Variants in EPM2A observed in about 807,000 individuals in gnomAD.
EPM2A encodes the protein EPM2A glucan phosphatase, laforin.
A neutral mutation model predicts 26.5 loss-of-function variants in EPM2A; 21 were observed. That is an observed-to-expected ratio of 0.79 (90% CI 0.56 to 1.14). The LOEUF is 1.14. Ranked by LOEUF, EPM2A falls within the 50% of genes most tolerant of loss-of-function variation. The pLI is 0.00. For missense variants in EPM2A, 458 were observed against 440.8 expected (o/e 1.04, Z -0.35); for synonymous variants, 217 against 177.6 (o/e 1.22, Z -1.76).
intron 1 of EPM2A, among the ~76,000 whole-genome samples, chr6:145,725,628 A>G (rs1370424227): frequency 1.3e-5 from 2 of 152,094 alleles, no homozygotes; most frequent in African/African-American, 2.4e-5. Flanking sequence ...ACATAGATAG[A>G]TATTAAATAT....
chr6:145,632,857 T>A lies in EPM2A; in HGVS notation c.718+2388A>T, dbSNP rs117364696. ...CAGAAGTGGTTATTAACCCTTAGAT[T>A]ACACCCCCAGGTTAGGCCAAGCCAA... On this transcript the variant is annotated intron_variant, in intron 3 of 3. Transcript: ENST00000367519. Among the ~76,000 whole-genome samples the A allele has an allele frequency of 3.4e-3, 515 of 152,320 alleles. 4 individuals carry two copies. Among genetic ancestry groups the A allele is most frequent in the Admixed American group, 5.9e-3 (90 of 15,298 alleles).
chr6:145,453,540 G>C (rs1779224641), intron 4 of EPM2A, among the ~76,000 whole-genome samples: 1 of 152,074 alleles, frequency 6.6e-6, no homozygotes, highest in Admixed American at 6.6e-5. Flanking sequence ...CCCTCTTGCT[G>C]TAACTTGACC....
chr6:145,497,501 G>A (rs77169943), downstream of EPM2A, among the ~76,000 whole-genome samples: 808 of 152,272 alleles, frequency 5.3e-3, 27 homozygotes, highest in East Asian at 0.091. Context: ...AGGAGGTCTC[G>A]CACAGTCAGG....
rs1384715562 is a variant in EPM2A, at chr6:145,672,372, GA to G, written c.476+13749del. Among the ~76,000 whole-genome samples the G allele has an allele frequency of 6.6e-5, 10 of 152,098 alleles. No individual in the cohort carries two copies. In the East Asian group the frequency reaches 9.7e-4, roughly 15 times the overall value. On this transcript the variant is annotated intron_variant, in intron 2 of 3. Transcript: ENST00000367519. ...GGTAACAATAAAATTATAGAAGTTG[GA>G]AAGCAATTGGTTAATTGTTGAAAAA...
chr6:145,710,184 T>C (rs1775232446), intron 1 of EPM2A, among the ~76,000 whole-genome samples: 1 of 152,000 alleles, frequency 6.6e-6, no homozygotes, highest in Non-Finnish European at 1.5e-5. Flanking sequence ...ACAGGCAACC[T>C]ACAGAATGGG....
rs543028247 is a variant in EPM2A, at chr6:145,456,904, C to T, written c.555+45618G>A. ...ATGTATATATTTTAGATATTTCTAT[C>T]TTGAGCCACCTTACAGATGTTATAA... On this transcript the variant is annotated intron_variant, in intron 4 of 4. Coordinates refer to the EPM2A transcript ENST00000638717. 3.3e-5 allele frequency among the ~76,000 whole-genome samples: 5 copies of T among 152,184 alleles called. No individual in the cohort carries two copies. In the East Asian group the frequency reaches 7.7e-4, roughly 24 times the overall value.
intron 2 of EPM2A, among the ~76,000 whole-genome samples, chr6:145,517,503 T>C (rs1434441959): frequency 6.6e-6 from 1 of 152,174 alleles, no homozygotes; most frequent in African/African-American, 2.4e-5. Flanking sequence ...GTTGCTCAGA[T>C]GTGACTTTTC....
intron 2 of EPM2A, among the ~76,000 whole-genome samples, chr6:145,615,398 T>G (rs912448759): frequency 7.2e-5 from 11 of 152,152 alleles, no homozygotes; most frequent in Non-Finnish European, 1.5e-4. Context: ...GTAAGTCCAT[T>G]AAAACCCTTT....
Position 145,626,023 on chromosome 6 carries a change from C to T in EPM2A, c.*1393G>A. The T allele has an allele frequency of 8.9e-7, 1 of 1,128,190 alleles. No individual in the cohort carries two copies. Among genetic ancestry groups the T allele is most frequent in the Non-Finnish European group, 1.1e-6 (1 of 878,168 alleles). The allele number at this position is 1,128,190 out of a possible 1,614,324, so 69.9% of individuals were successfully genotyped here. A position where few individuals can be genotyped will look rare whatever the true frequency, so the allele number is the denominator to read the frequency against. On this transcript the variant is annotated 3_prime_UTR_variant, in exon 4 of 4. Coordinates refer to ENST00000367519, the MANE Select transcript of EPM2A (RefSeq NM_005670.4). ...GTTAACCCTTCTGACCTTAGTTTCC[C>T]CATCTTTATCATGGAGATAATGAGA...
intron 2 of EPM2A, among the ~76,000 whole-genome samples, chr6:145,600,590 A>G (rs749133361): frequency 6.6e-6 from 1 of 152,222 alleles, no homozygotes; most frequent in Non-Finnish European, 1.5e-5. Context: ...ATTGCTTCTC[A>G]GTTCCAATCA....
chr6:145,418,445 G>C (rs1778737610), intron 4 of EPM2A, among the ~76,000 whole-genome samples: 3 of 152,186 alleles, frequency 2.0e-5, no homozygotes, highest in South Asian at 4.1e-4. Flanking sequence ...TGCTGGAAAA[G>C]AGAATCTCTG....
At chr6:145,423,127 G>T (rs1304901371) in intron 4 of EPM2A, among the ~76,000 whole-genome samples, 2 of 151,394 alleles carry the variant, frequency 1.3e-5, no homozygotes, top group Non-Finnish European at 2.9e-5. Context: ...TTTCTTATTT[G>T]TTCTCTTTAA....
chr6:145,565,899 G>A (rs902935512), intron 2 of EPM2A, among the ~76,000 whole-genome samples: 1 of 152,136 alleles, frequency 6.6e-6, no homozygotes, highest in Non-Finnish European at 1.5e-5. Flanking sequence ...TATGAGCCCC[G>A]TAAAGCACTG....
chr6:145,657,970 T>C (rs1421185106), intron 2 of EPM2A, among the ~76,000 whole-genome samples: 1 of 152,216 alleles, frequency 6.6e-6, no homozygotes, highest in African/African-American at 2.4e-5. Context: ...TAAGACTGTT[T>C]GCTTGCTCAA....
rs1200399183 is a variant in EPM2A, at chr6:145,735,295, G to T, written c.204C>A (p.Ala68=). ...CCGCCCCGTCCTGCGCCGCCTCCTC[G>T]GCCGCCAGCTCCACCTCCCCGAGCC... is the stretch of plus-strand genomic sequence containing the variant. ...GLWLGEVELA[A]EEAAQDGAEP... Residue 68 remains alanine, a synonymous_variant, in exon 1 of 4, where the codon GCC becomes GCA. Transcript: ENST00000367519. 1.4e-6 allele frequency: 2 copies of T among 1,476,022 alleles called. No homozygotes were observed. The highest frequency in any genetic ancestry group is 2.9e-5 in the African/African-American group (2 of 68,070). 91.4% of individuals were successfully genotyped at this position (1,476,022 alleles called of 1,614,324 possible). A position where few individuals can be genotyped will look rare whatever the true frequency, so the allele number is the denominator to read the frequency against.
At chr6:145,391,824 T>C (rs1778340439) in intron 4 of EPM2A, among the ~76,000 whole-genome samples, 1 of 152,154 alleles carries the variant, frequency 6.6e-6, no homozygotes, top group Non-Finnish European at 1.5e-5. Flanking sequence ...CTCCCACTTT[T>C]AGGCTGAAGA....
intron 2 of EPM2A, chr6:145,640,628 T>C (rs947982825): frequency 5.3e-5 from 8 of 152,210 alleles, no homozygotes; most frequent in African/African-American, 1.9e-4. Context: ...GCATTTATCT[T>C]ATTTAATATT....
intron 2 of EPM2A, among the ~76,000 whole-genome samples, chr6:145,514,170 C>A (rs535655888): frequency 2.0e-5 from 3 of 152,094 alleles, no homozygotes; most frequent in Non-Finnish European, 4.4e-5. Context: ...GTGGAGTATG[C>A]GGATATTTGA....
At chr6:145,531,000 G>A (rs1371206803) in intron 2 of EPM2A, among the ~76,000 whole-genome samples, 1 of 152,096 alleles carries the variant, frequency 6.6e-6, no homozygotes, top group Non-Finnish European at 1.5e-5. Flanking sequence ...ATAGCTAATT[G>A]CTCATTTCTT....
Sources: allele counts gnomAD v4.1 joint callset (sites outside exome capture counted in the v4.1 genomes callset), GRCh38; gene constraint gnomAD v4.1.1; transcripts MANE v1.5; gene names NCBI Gene and HGNC (gene_info 2026-07-23, HGNC 2026-07-21).